TMEM131L: variants seen among roughly 807,000 people sequenced by gnomAD.
The protein encoded by TMEM131L is transmembrane protein 131-like.
Under a neutral mutation model 192.2 loss-of-function variants are expected in TMEM131L, and 54 were observed. The observed-to-expected ratio is 0.28, with a 90% confidence interval of 0.23 to 0.35. TMEM131L has a LOEUF of 0.35. Among genes scored for constraint, TMEM131L ranks in the 10% least tolerant of loss-of-function variants. The pLI, the probability that TMEM131L is intolerant of heterozygous loss-of-function variation, is 1.00. For synonymous variants in TMEM131L, 701 were observed against 704.9 expected (o/e 0.99, Z 0.09); for missense variants, 1,888 against 1,972.9 (o/e 0.96, Z 0.82).
intron 31 of TMEM131L, among the ~76,000 whole-genome samples, chr4:153,631,487 A>G (rs1035961502): frequency 2.6e-5 from 4 of 152,192 alleles, no homozygotes; most frequent in Non-Finnish European, 4.4e-5. Context: ...TGCCACACAC[A>G]GTGGGTTGTG....
At chr4:153,466,655 C>G (rs1407740943) in intron 1 of TMEM131L, 134 bp downstream of exon 1, 3 of 864,398 alleles carry the variant, frequency 3.5e-6, no homozygotes, top group African/African-American at 3.5e-5. Flanking sequence ...AAAGCTGTTG[C>G]GATTCTCCGC....
chr4:153,491,254 A>T (rs1732761789), intron 3 of TMEM131L, among the ~76,000 whole-genome samples: 1 of 152,216 alleles, frequency 6.6e-6, no homozygotes, highest in Non-Finnish European at 1.5e-5. Flanking sequence ...GAACACCTGT[A>T]ATATTGACTA....
intron 3 of TMEM131L, among the ~76,000 whole-genome samples, chr4:153,507,719 A>G (rs2150046975): frequency 6.6e-6 from 1 of 152,268 alleles, no homozygotes. Context: ...TGCAAAACAA[A>G]AAAACAAACA....
chr4:153,481,035 G>C (rs1475056234), intron 3 of TMEM131L, among the ~76,000 whole-genome samples: 1 of 152,190 alleles, frequency 6.6e-6, no homozygotes, highest in Non-Finnish European at 1.5e-5. Flanking sequence ...GTACCTTGGG[G>C]ACGAAGTGCA....
rs200199904 is a variant in TMEM131L at position 153,598,704 on chromosome 4, C to T, written c.2238C>T (p.Pro746=). 3.4e-5 allele frequency: 55 copies of T among 1,613,712 alleles called. No individual in the cohort carries two copies. In the African/African-American group the frequency reaches 3.6e-4, roughly 11 times the overall value. The stretch of plus-strand genomic sequence containing the variant: ...GAGGCTCACTCCGATTTAAGGTGCC[C>T]GAGTCCACGCTGATGGACTGCCGTA... ...GAGGSLRFKV[P]ESTLMDCRRQ... The change falls in exon 21 of 35, where the codon CCC becomes CCT. Residue 746 remains proline, a synonymous_variant. Transcript: ENST00000409959.
chr4:153,632,660 G>A, intron 31 of TMEM131L, 58 bp from the exon 32 acceptor site: 1 of 1,606,140 alleles, frequency 6.2e-7, no homozygotes, highest in Non-Finnish European at 8.5e-7. Flanking sequence ...GGTGCAGGAA[G>A]GGTAGGATGA....
At chr4:153,601,198 G>A (rs1369566600) in intron 21 of TMEM131L, among the ~76,000 whole-genome samples, 3 of 151,420 alleles carry the variant, frequency 2.0e-5, no homozygotes, top group Non-Finnish European at 4.4e-5. Flanking sequence ...CAGTTATTTA[G>A]AATTGACTTT....
intron 3 of TMEM131L, among the ~76,000 whole-genome samples, chr4:153,538,586 C>T (rs72971047): frequency 0.031 from 4,739 of 152,260 alleles, 184 homozygotes; most frequent in African/African-American, 0.1. Flanking sequence ...TGCTTCTGGC[C>T]GCCCTGAAAG....
intron 3 of TMEM131L, among the ~76,000 whole-genome samples, chr4:153,502,141 A>G (rs558989566): frequency 6.6e-6 from 1 of 151,548 alleles, no homozygotes; most frequent in African/African-American, 2.4e-5. Context: ...ATGAGTTTTC[A>G]CCGTGCTTCC....
intron 3 of TMEM131L, among the ~76,000 whole-genome samples, chr4:153,549,361 A>G (rs1191691588): frequency 1.3e-5 from 2 of 152,224 alleles, no homozygotes; most frequent in East Asian, 3.8e-4. Context: ...CTTTAGATTA[A>G]TAGAGCTTTT....
At chr4:153,496,371 G>A (rs1465342764) in intron 3 of TMEM131L, among the ~76,000 whole-genome samples, 1 of 152,184 alleles carries the variant, frequency 6.6e-6, no homozygotes, top group African/African-American at 2.4e-5. Flanking sequence ...CTGAGGCACA[G>A]GGATAGTTGC....
chr4:153,577,335 G>T (rs1206642510), intron 7 of TMEM131L, among the ~76,000 whole-genome samples: 2 of 152,172 alleles, frequency 1.3e-5, no homozygotes, highest in African/African-American at 2.4e-5. Flanking sequence ...ATTTGTATAT[G>T]GGTAAATTCA....
At chr4:153,623,259 C>T (rs1733584583) in intron 29 of TMEM131L, among the ~76,000 whole-genome samples, 176 bp downstream of exon 29, 1 of 152,180 alleles carries the variant, frequency 6.6e-6, no homozygotes, top group Non-Finnish European at 1.5e-5. Context: ...TCCCCCTTCC[C>T]CTCCATCCTT....
chr4:153,529,300 T>C (rs1735725152), intron 3 of TMEM131L, among the ~76,000 whole-genome samples: 1 of 152,198 alleles, frequency 6.6e-6, no homozygotes, highest in South Asian at 2.1e-4. Flanking sequence ...ACTTCTAAAA[T>C]GTAGATGGGA....
rs1391338034 is a variant in TMEM131L at position 153,604,410 on chromosome 4, A to G, written c.3398A>G (p.Glu1133Gly). 18 of 1,598,238 alleles carry G rather than the reference A, an allele frequency of 1.1e-5. No individual in the cohort carries two copies. Among genetic ancestry groups the G allele is most frequent in the Non-Finnish European group, 1.5e-5 (18 of 1,174,956 alleles). Residue 1133 changes from glutamate (E) to glycine (G), a missense_variant, in exon 25 of 35, where the codon GAA becomes GGA. Physicochemically the swap from Glu to Gly is moderately conservative, Grantham distance 98. Coordinates refer to ENST00000409959, the MANE Select transcript of TMEM131L (RefSeq NM_001131007.2). The stretch of plus-strand genomic sequence containing the variant: ...CAGTACCACCAGCCAGACTTGCCAG[A>G]AATTTCCAGGAAAAATAATGGTAAT... The part of the protein sequence containing the change: ...SPQYHQPDLP[E>G]ISRKNNGNNQ...
rs1415227831 is a variant in TMEM131L at position 153,555,856 on chromosome 4, G to C, written c.378G>C (p.Val126=). The C allele has an allele frequency of 2.6e-6, 4 of 1,551,718 alleles. No homozygotes were observed. The highest frequency in any genetic ancestry group is 3.5e-6 in the Non-Finnish European group (4 of 1,146,962). ...CTAGTAGGGACAGCGAGGTTGTGGT[G>C]AATTCAGTGTTTGCAGCTGCTGGAC... is the stretch of plus-strand genomic sequence containing the variant. ...YNPSRDSEVV[V]NSVFAAAGHF... is the part of the protein sequence containing the mutation. The change falls in exon 5 of 35, where the codon GTG becomes GTC. Residue 126 remains valine (V), a synonymous_variant. Transcript: ENST00000409959. The surrounding 1 kb of genome is among the most constrained non-coding windows in gnomAD (Gnocchi z 4.1).
chr4:153,583,598 C>T lies in TMEM131L; in HGVS notation c.986C>T (p.Ser329Phe). Residue 329 changes from serine (S) to phenylalanine (F), a missense_variant, in exon 11 of 35, where the codon TCT becomes TTT. Ser to Phe is a radical substitution (Grantham distance 155). Transcript: ENST00000409959. Reference sequence around the variant, plus strand: ...CATTTCTCACAGAGAGATGCTCTGTCTCTGCAGTTTGAACCAGTACTACTA... The same window carrying T: ...CATTTCTCACAGAGAGATGCTCTGTTTCTGCAGTTTGAACCAGTACTACTA... ...IRHFSQRDALSLQFEPVLLPT... is the reference protein window; with the variant it reads ...IRHFSQRDALFLQFEPVLLPT... The T allele has an allele frequency of 6.2e-7, 1 of 1,612,158 alleles. No homozygotes were observed. The highest frequency in any genetic ancestry group is 8.5e-7 in the Non-Finnish European group (1 of 1,179,242).
Position 153,636,681 on chromosome 4 carries a change from CT to C in TMEM131L, c.*109del. On this transcript the variant is annotated 3_prime_UTR_variant, in exon 35 of 35. Coordinates refer to ENST00000409959, the MANE Select transcript of TMEM131L (RefSeq NM_001131007.2). ...TATGACATTGGTGGATATTTTGGCA[CT>C]TTTATATGAAAATAAATTTTTTAAT... is the stretch of plus-strand genomic sequence containing the variant. The C allele has an allele frequency of 8.7e-7, 1 of 1,147,182 alleles. No individual in the cohort carries two copies. The highest frequency in any genetic ancestry group is 1.2e-6 in the Non-Finnish European group (1 of 819,538). 71.1% of individuals were successfully genotyped at this position (1,147,182 alleles called of 1,614,324 possible).
At chr4:153,515,416 A>G (rs1343141677) in intron 3 of TMEM131L, among the ~76,000 whole-genome samples, 1 of 152,198 alleles carries the variant, frequency 6.6e-6, no homozygotes, top group Non-Finnish European at 1.5e-5. Context: ...GCATGTAACA[A>G]TACTTTATTC....
Sources: allele counts gnomAD v4.1 joint callset (sites outside exome capture counted in the v4.1 genomes callset), GRCh38; gene constraint gnomAD v4.1.1; non-coding constraint Gnocchi (gnomAD v3.1); transcripts MANE v1.5; gene names NCBI Gene and HGNC (gene_info 2026-07-23, HGNC 2026-07-21).